The following RALGPS1 variants were observed in gnomAD, a reference collection of about 807,000 sequenced individuals.
RALGPS1 encodes the protein Ral GEF with PH domain and SH3 binding motif 1.
RALGPS1 carries 19 observed loss-of-function variants against 78.8 expected under a neutral mutation model. The observed-to-expected ratio is 0.24, with a 90% CI of 0.17 to 0.35. The LOEUF (loss-of-function observed/expected upper bound fraction) is 0.35. RALGPS1 is among the 10% of genes least tolerant of loss of function. RALGPS1 has a pLI of 1.00. For missense variants in RALGPS1, 454 were observed against 688.3 expected, an observed-to-expected ratio of 0.66 and a Z score of 3.81; for synonymous variants, 228 against 256.3, an observed-to-expected ratio of 0.89 and a Z score of 1.06.
chr9:126,923,098 A>C (rs188960847), intron 1 of RALGPS1, among the ~76,000 whole-genome samples: 84 of 152,328 alleles, frequency 5.5e-4, no homozygotes, highest in African/African-American at 2.0e-3. Flanking sequence ...CAAATGGAGT[A>C]AATAGTGGGC....
intron 10 of RALGPS1, among the ~76,000 whole-genome samples, chr9:127,170,316 G>C (rs1454035965): frequency 1.3e-5 from 2 of 152,224 alleles, no homozygotes; most frequent in Non-Finnish European, 2.9e-5. Flanking sequence ...TAACCATCCA[G>C]ATGTCTGGGG....
intron 8 of RALGPS1, among the ~76,000 whole-genome samples, chr9:127,090,402 TGCTTCAGAATGAGG>T (rs1036053726): frequency 2.6e-5 from 4 of 152,234 alleles, no homozygotes; most frequent in Admixed American, 2.6e-4. Context: ...CAGCCCCTAC[TGCTTCAGAATGAGG>T]GCCTGTTCCT....
intron 1 of RALGPS1, among the ~76,000 whole-genome samples, chr9:126,947,175 G>A (rs1448753776): frequency 6.6e-6 from 1 of 152,120 alleles, no homozygotes; most frequent in Non-Finnish European, 1.5e-5. Flanking sequence ...AGGTGAAGTG[G>A]TGGTGGAGGG....
chr9:127,073,152 A>T (rs184102348), intron 8 of RALGPS1, among the ~76,000 whole-genome samples: 1 of 152,120 alleles, frequency 6.6e-6, no homozygotes, highest in East Asian at 1.9e-4. Flanking sequence ...TAATCACCCT[A>T]CTCTGCTATT....
Position 127,212,345 on chromosome 9 carries a change from T to C in RALGPS1, c.1353+109T>C, listed in dbSNP as rs2062313620. Reference sequence around the variant, plus strand: ...TCACATGCATGGCAGAGGCTCTGCTTGCAGTGGGCATGCAGCGAGCTGAAC... The same window carrying C: ...TCACATGCATGGCAGAGGCTCTGCTCGCAGTGGGCATGCAGCGAGCTGAAC... On this transcript the variant is annotated intron_variant, in intron 15 of 18. Transcript: ENST00000259351. This position sits in a 1 kb window ranked among gnomAD's most constrained non-coding sequence, Gnocchi z 6.0. The C allele has an allele frequency of 1.2e-6, 1 of 819,842 alleles. No individual in the cohort carries two copies. The highest frequency in any genetic ancestry group is 2.7e-5 in the East Asian group (1 of 37,110). 50.8% of individuals were successfully genotyped at this position (819,842 alleles called of 1,614,324 possible).
intron 11 of RALGPS1, chr9:127,184,244 C>G (rs1371647672): frequency 1.9e-6 from 1 of 530,232 alleles, no homozygotes; most frequent in African/African-American, 1.9e-5. Context: ...CGCTTGATCC[C>G]AGGAGGGGGA....
At position 127,174,792 on chromosome 9, in the gene RALGPS1, C is replaced by T; in HGVS notation, c.910+10C>T. The T allele has an allele frequency of 6.2e-7, 1 of 1,612,968 alleles. No individual in the cohort carries two copies. The highest frequency in any genetic ancestry group is 8.5e-7 in the Non-Finnish European group (1 of 1,179,066). ...AAGGAAGATCTTGCAGGTATCGTAG[C>T]TACCTCGAGTGGGAGCAAACCCACT... On this transcript the variant is annotated intron_variant, in intron 11 of 18. Coordinates refer to ENST00000259351, the MANE Select transcript of RALGPS1 (RefSeq NM_014636.3).
intron 1 of RALGPS1, among the ~76,000 whole-genome samples, chr9:126,929,002 G>T (rs1473447785): frequency 6.6e-6 from 1 of 152,084 alleles, no homozygotes; most frequent in Non-Finnish European, 1.5e-5. Context: ...GAGAATTATT[G>T]CATGGATTTG....
At chr9:126,937,001 C>T (rs1019354835) in intron 1 of RALGPS1, among the ~76,000 whole-genome samples, 1 of 152,116 alleles carries the variant, frequency 6.6e-6, no homozygotes, top group Non-Finnish European at 1.5e-5. Context: ...CAGGTATGCA[C>T]CACCAGACCC....
rs541975780 is a variant in RALGPS1 at position 127,090,471 on chromosome 9, G to A, written c.610+21115G>A. Among the ~76,000 whole-genome samples the A allele has an allele frequency of 4.6e-4, 70 of 152,358 alleles. No individual in the cohort carries two copies. The Middle Eastern group carries it at 0.014, about 30-fold the overall frequency. On this transcript the variant is annotated intron_variant, in intron 8 of 18. Coordinates refer to ENST00000259351, the MANE Select transcript of RALGPS1 (RefSeq NM_014636.3). The stretch of plus-strand genomic sequence containing the variant: ...CCAGGCCAGTTCAGTGTCAGTGGGC[G>A]GACAGAGGTGTCTGTGTGATACAGG...
intron 8 of RALGPS1, among the ~76,000 whole-genome samples, chr9:127,155,427 C>T (rs543831876): frequency 3.3e-5 from 5 of 152,164 alleles, no homozygotes; most frequent in Non-Finnish European, 5.9e-5. Flanking sequence ...GGGGAGGAAA[C>T]CCCTCTGCTG....
chr9:127,147,083 G>GAA (rs2058138054), intron 8 of RALGPS1, among the ~76,000 whole-genome samples: 1 of 152,174 alleles, frequency 6.6e-6, no homozygotes, highest in Admixed American at 6.5e-5. Context: ...TGACTGGTGT[G>GAA]AAATGGTATC....
intron 1 of RALGPS1, among the ~76,000 whole-genome samples, chr9:126,924,287 A>G (rs540181487): frequency 6.6e-6 from 1 of 152,356 alleles, no homozygotes; most frequent in East Asian, 1.9e-4. Context: ...TGTATAGGAA[A>G]AGGATGCAAA....
Position 127,091,557 on chromosome 9 carries a change from A to G in RALGPS1, c.610+22201A>G, listed in dbSNP as rs1467800903. On this transcript the variant is annotated intron_variant, in intron 8 of 18. Coordinates refer to ENST00000259351, the MANE Select transcript of RALGPS1 (RefSeq NM_014636.3). The surrounding 1 kb of genome is among the most constrained non-coding windows in gnomAD (Gnocchi z 4.3). The stretch of plus-strand genomic sequence containing the variant: ...GTAACAGGGTCAGGCAGCTTGGCCC[A>G]GCTGCTTCTCACCCTGGGATCTTCC... 1.4e-6 allele frequency: 2 copies of G among 1,435,390 alleles called. No individual in the cohort carries two copies. The highest frequency in any genetic ancestry group is 1.4e-5 in the African/African-American group (1 of 70,520). The allele number at this position is 1,435,390 out of a possible 1,614,324, so 88.9% of individuals were successfully genotyped here. A position where few individuals can be genotyped will look rare whatever the true frequency, so the allele number is the denominator to read the frequency against.
chr9:127,052,624 G>A (rs12349534), intron 6 of RALGPS1, among the ~76,000 whole-genome samples: 63,918 of 152,050 alleles, frequency 0.42, 14,161 homozygotes, highest in Non-Finnish European at 0.48. Flanking sequence ...CCACGTTTCT[G>A]TCCAGACTAG....
intron 4 of RALGPS1, among the ~76,000 whole-genome samples, chr9:126,984,906 A>G (rs980527578): frequency 2.0e-5 from 3 of 152,248 alleles, no homozygotes; most frequent in Non-Finnish European, 2.9e-5. Flanking sequence ...CTGGGTTGCC[A>G]TTGCTTTTAG....
chr9:127,195,462 G>T (rs1327008341), intron 12 of RALGPS1, among the ~76,000 whole-genome samples: 2 of 152,236 alleles, frequency 1.3e-5, no homozygotes, highest in African/African-American at 4.8e-5. Context: ...CTCAGCAGCT[G>T]ATGGAGGAAG....
intron 14 of RALGPS1, among the ~76,000 whole-genome samples, chr9:127,209,062 G>A (rs889583725): frequency 6.6e-6 from 1 of 152,226 alleles, no homozygotes; most frequent in Non-Finnish European, 1.5e-5. Context: ...GCAGCTCAGA[G>A]CTGGAATCCA....
At position 127,219,941 on chromosome 9, in the gene RALGPS1, C is replaced by T. The variant is rs942605072; in HGVS notation, c.*1172C>T. Reference sequence around the variant, plus strand: ...GTCCAAGGGCACAATTGTTGATGACCGTGTGACAATAGAGCGAAGCCCCGG... The same window carrying T: ...GTCCAAGGGCACAATTGTTGATGACTGTGTGACAATAGAGCGAAGCCCCGG... On this transcript the variant is annotated 3_prime_UTR_variant, in exon 19 of 19. Transcript: ENST00000259351. The surrounding 1 kb of genome is among the most constrained non-coding windows in gnomAD (Gnocchi z 5.0). 5 of 152,628 alleles carry T rather than the reference C, an allele frequency of 3.3e-5. No homozygotes were observed. Among genetic ancestry groups the T allele is most frequent in the Admixed American group, 2.0e-4 (3 of 15,278 alleles). 9.5% of individuals were successfully genotyped at this position (152,628 alleles called of 1,614,324 possible). A position where few individuals can be genotyped will look rare whatever the true frequency, so the allele number is the denominator to read the frequency against.
Sources: gnomAD v4.1 joint callset for allele counts (sites outside exome capture counted in the v4.1 genomes callset) on GRCh38, gnomAD v4.1.1 for gene constraint, Gnocchi (gnomAD v3.1) non-coding constraint, MANE v1.5 for transcripts, NCBI Gene and HGNC (gene_info 2026-07-23, HGNC 2026-07-21) for gene names.